The following CFTR variants were observed in gnomAD, a reference collection of about 807,000 sequenced individuals.
CFTR encodes cystic fibrosis transmembrane conductance regulator.
Under a neutral mutation model 171.6 loss-of-function variants are expected in CFTR, and 181 were observed. The ratio of observed to expected loss-of-function variants is 1.05; its 90% CI spans 0.93 to 1.19. CFTR has a LOEUF of 1.19. CFTR is among the 50% of genes most tolerant of loss of function. The pLI, the probability that CFTR is intolerant of heterozygous loss-of-function variation, is 0.00. For synonymous variants in CFTR, 583 were observed against 608.0 expected, an observed-to-expected ratio of 0.96 and a Z score of 0.60; for missense variants, 1,968 against 1,734.7, an observed-to-expected ratio of 1.13 and a Z score of -2.39.
chr7:117,636,438 A>G (rs2116150608), intron 22 of CFTR, among the ~76,000 whole-genome samples: 1 of 152,060 alleles, frequency 6.6e-6, no homozygotes, highest in South Asian at 2.1e-4. Flanking sequence ...ATCTGACACT[A>G]ATTTGGAAAA....
At chr7:117,515,780 G>A (rs117337286) in intron 3 of CFTR, among the ~76,000 whole-genome samples, 129 of 151,920 alleles carry the variant, frequency 8.5e-4, no homozygotes, top group African/African-American at 2.2e-3. Context: ...CTTTCTATCC[G>A]TAAGGACGAC....
Position 117,595,039 on chromosome 7 carries a change from T to A in CFTR, c.2600T>A (p.Leu867Ter), listed in dbSNP as rs397508404. ...KSLIFVLIWC[L>*]VIFLAEVAAS... ...TTAATTTTTGTGCTAATTTGGTGCTTAGTAATTTTTCTGGCAGAGGTAAGA... is the reference window on the plus strand; with the variant it reads ...TTAATTTTTGTGCTAATTTGGTGCTAAGTAATTTTTCTGGCAGAGGTAAGA... The change falls in exon 15 of 27, where the codon TTA becomes TAA. Residue 867 changes from leucine to a stop codon, truncating the protein, a stop_gained. Coordinates refer to ENST00000003084, the MANE Select transcript of CFTR (RefSeq NM_000492.4). LOFTEE classifies it high-confidence loss of function. 1 of 1,612,640 alleles carries A rather than the reference T, an allele frequency of 6.2e-7. No homozygotes were observed. The highest frequency in any genetic ancestry group is 8.5e-7 in the Non-Finnish European group (1 of 1,179,206).
At chr7:117,637,627 C>T (rs557753126) in intron 22 of CFTR, among the ~76,000 whole-genome samples, 1 of 151,880 alleles carries the variant, frequency 6.6e-6, no homozygotes, top group Non-Finnish European at 1.5e-5. Flanking sequence ...CTGTAATCCC[C>T]GCACTTTGGG....
intron 1 of CFTR, among the ~76,000 whole-genome samples, chr7:117,503,088 A>G (rs531920068): frequency 2.0e-5 from 3 of 152,320 alleles, no homozygotes; most frequent in Admixed American, 6.5e-5. Context: ...ACAGTGTCAA[A>G]ATGTTTGCAT....
At chr7:117,561,888 T>C (rs573463646) in intron 11 of CFTR, among the ~76,000 whole-genome samples, 1 of 152,152 alleles carries the variant, frequency 6.6e-6, no homozygotes, top group African/African-American at 2.4e-5. Flanking sequence ...TAATGTCCTC[T>C]GATGGAATGA....
intron 1 of CFTR, among the ~76,000 whole-genome samples, chr7:117,481,510 G>C (rs1380336256): frequency 6.6e-6 from 1 of 152,110 alleles, no homozygotes; most frequent in Non-Finnish European, 1.5e-5. Context: ...GTCAAAGTGG[G>C]TTTTTATATA....
At chr7:117,590,260 A>G in intron 12 of CFTR, 93 bp from the exon 13 acceptor site, 1 of 1,433,352 alleles carries the variant, frequency 7.0e-7, no homozygotes, top group Non-Finnish European at 9.6e-7. Flanking sequence ...ACCATATTGT[A>G]ATGCATGTAG....
At chr7:117,632,667 G>A (rs1792767313) in intron 22 of CFTR, among the ~76,000 whole-genome samples, 1 of 152,186 alleles carries the variant, frequency 6.6e-6, no homozygotes, top group Non-Finnish European at 1.5e-5. Context: ...TAGGGAATGG[G>A]TGGTTACTGA....
intron 3 of CFTR, among the ~76,000 whole-genome samples, chr7:117,516,486 C>A (rs1020246582): frequency 1.3e-5 from 2 of 151,976 alleles, no homozygotes; most frequent in Non-Finnish European, 2.9e-5. Flanking sequence ...TAGCTTATAA[C>A]TTAATTTGCT....
chr7:117,626,877 T>G (rs991004516), intron 21 of CFTR, among the ~76,000 whole-genome samples: 1 of 152,040 alleles, frequency 6.6e-6, no homozygotes, highest in Admixed American at 6.6e-5. Context: ...CATGAATAGA[T>G]TTATAAAGCA....
At chr7:117,553,425 G>A (rs1384944462) in intron 10 of CFTR, among the ~76,000 whole-genome samples, 1 of 152,068 alleles carries the variant, frequency 6.6e-6, no homozygotes, top group African/African-American at 2.4e-5. Context: ...GTATCAGTAG[G>A]CTTCCTATAA....
At chr7:117,653,201 A>G (rs1032778358) in intron 24 of CFTR, among the ~76,000 whole-genome samples, 3 of 152,236 alleles carry the variant, frequency 2.0e-5, no homozygotes, top group Non-Finnish European at 2.9e-5. Context: ...ATTTCTGTGC[A>G]CAACTTCAAA....
intron 1 of CFTR, among the ~76,000 whole-genome samples, chr7:117,487,393 T>C (rs1485475961): frequency 6.6e-6 from 1 of 152,108 alleles, no homozygotes; most frequent in Non-Finnish European, 1.5e-5. Context: ...CTATATAACC[T>C]GCTAACTGAT....
At chr7:117,633,147 T>C (rs1333451372) in intron 22 of CFTR, among the ~76,000 whole-genome samples, 4 of 152,208 alleles carry the variant, frequency 2.6e-5, no homozygotes, top group African/African-American at 9.6e-5. Context: ...TATTCATCAT[T>C]ATGAAATATT....
chr7:117,643,981 A>G (rs188040332), intron 23 of CFTR, among the ~76,000 whole-genome samples: 42 of 152,302 alleles, frequency 2.8e-4, no homozygotes, highest in Non-Finnish European at 5.4e-4. Context: ...TATGCAAGAC[A>G]TGGAGGAAAA....
At chr7:117,580,286 A>T (rs1006974809) in intron 11 of CFTR, among the ~76,000 whole-genome samples, 8 of 152,158 alleles carry the variant, frequency 5.3e-5, no homozygotes, top group African/African-American at 1.9e-4. Flanking sequence ...AACAATTCAG[A>T]TGGCCAGTAT....
chr7:117,484,512 A>G (rs887312489), intron 1 of CFTR, among the ~76,000 whole-genome samples: 1 of 152,150 alleles, frequency 6.6e-6, no homozygotes, highest in African/African-American at 2.4e-5. Context: ...TTGACTTTCT[A>G]CACCAGTCCC....
At chr7:117,507,686 G>C (rs1798443329) in intron 2 of CFTR, among the ~76,000 whole-genome samples, 1 of 152,170 alleles carries the variant, frequency 6.6e-6, no homozygotes, top group African/African-American at 2.4e-5. Context: ...TTTATAGAAG[G>C]GCTCTCATTA....
At chr7:117,505,146 A>G (rs1472513115) in intron 2 of CFTR, among the ~76,000 whole-genome samples, 1 of 152,100 alleles carries the variant, frequency 6.6e-6, no homozygotes, top group Non-Finnish European at 1.5e-5. Flanking sequence ...CATTATCTCT[A>G]TTTTACAGAA....
Sources: gnomAD v4.1 joint callset for allele counts (sites outside exome capture counted in the v4.1 genomes callset) on GRCh38, gnomAD v4.1.1 for gene constraint, MANE v1.5 for transcripts, NCBI Gene and HGNC (gene_info 2026-07-23, HGNC 2026-07-21) for gene names.